DPP6: variants seen among roughly 807,000 people sequenced by gnomAD.
DPP6 encodes the protein A-type potassium channel modulatory protein DPP6.
DPP6 carries 69 observed loss-of-function variants against 122.6 expected under a neutral mutation model. The ratio of observed to expected loss-of-function variants is 0.56; its 90% confidence interval spans 0.46 to 0.69. The LOEUF is 0.69. Among genes scored for constraint, DPP6 ranks in the 30% least tolerant of loss-of-function variants. DPP6 has a pLI of 0.00. For missense variants in DPP6, 928 were observed against 1,116.9 expected, an observed-to-expected ratio of 0.83 and a Z score of 2.41; for synonymous variants, 418 against 433.1, an observed-to-expected ratio of 0.97 and a Z score of 0.43.
At chr7:154,011,495 G>A (rs892050115) in intron 1 of DPP6, among the ~76,000 whole-genome samples, 1 of 152,044 alleles carries the variant, frequency 6.6e-6, no homozygotes, top group Non-Finnish European at 1.5e-5. Context: ...TTTTAAAGTG[G>A]GCTGTCAGAT....
At chr7:154,874,175 C>T (rs1356559867) in intron 19 of DPP6, among the ~76,000 whole-genome samples, 1 of 152,218 alleles carries the variant, frequency 6.6e-6, no homozygotes, top group African/African-American at 2.4e-5. Flanking sequence ...CCTCCTTTCT[C>T]TTACTAAACC....
chr7:154,374,832 G>A (rs906025750), intron 1 of DPP6, among the ~76,000 whole-genome samples: 4 of 152,086 alleles, frequency 2.6e-5, no homozygotes, highest in Non-Finnish European at 2.9e-5. Flanking sequence ...GGCTGGTCTC[G>A]AACTCCTGAA....
rs541583790 is a variant in DPP6, at chr7:154,511,773, T to A, written c.458-28759T>A. Reference sequence around the variant, plus strand: ...ATTTTCCTAACTTATTTCTAGAGAATCAATTATGATCTTACCATAGTGTTA... The same window carrying A: ...ATTTTCCTAACTTATTTCTAGAGAAACAATTATGATCTTACCATAGTGTTA... On this transcript the variant is annotated intron_variant, in intron 3 of 25. Coordinates refer to ENST00000377770, the MANE Select transcript of DPP6 (RefSeq NM_130797.4). Among the ~76,000 whole-genome samples, 4 of 150,764 alleles carry A rather than the reference T, an allele frequency of 2.7e-5. No homozygotes were observed. In the South Asian group the frequency reaches 8.3e-4, roughly 31 times the overall value.
intron 1 of DPP6, among the ~76,000 whole-genome samples, chr7:154,404,058 A>G (rs1815869017): frequency 6.6e-6 from 1 of 152,222 alleles, no homozygotes; most frequent in African/African-American, 2.4e-5. Context: ...AGATTAGCTC[A>G]TTATAGGTTT....
At chr7:153,867,098 T>C in the DPP6 span, among the ~76,000 whole-genome samples, 1 of 152,220 alleles carries the variant, frequency 6.6e-6, no homozygotes. Flanking sequence ...CCTCCAGCTT[T>C]GTTCTTTTGG....
the DPP6 span, among the ~76,000 whole-genome samples, chr7:153,848,655 A>G: frequency 6.6e-6 from 1 of 152,254 alleles, no homozygotes; most frequent in African/African-American, 2.4e-5. Context: ...CCCAGAGATT[A>G]TAAGTTTAGT....
intron 1 of DPP6, among the ~76,000 whole-genome samples, chr7:154,202,195 G>A (rs1799209880): frequency 6.6e-6 from 1 of 152,150 alleles, no homozygotes; most frequent in South Asian, 2.1e-4. Flanking sequence ...CATTCCAGAT[G>A]CCTGGTGTGT....
rs1803621762 is a variant in DPP6 at position 154,863,798 on chromosome 7, G to T, written c.1715-4197G>T. On this transcript the variant is annotated intron_variant, in intron 17 of 25. Coordinates refer to ENST00000377770, the MANE Select transcript of DPP6 (RefSeq NM_130797.4). This position sits in a 1 kb window ranked among gnomAD's most constrained non-coding sequence, Gnocchi z 4.1. Reference sequence around the variant, plus strand: ...CCACTGCACTCCAACCTGGCTGCAAGACCCTGTCTCAAAAAACAAAAATGG... The same window carrying T: ...CCACTGCACTCCAACCTGGCTGCAATACCCTGTCTCAAAAAACAAAAATGG... 6.6e-6 allele frequency among the ~76,000 whole-genome samples: 1 copy of T among 152,056 alleles called. No homozygotes were observed. The highest frequency in any genetic ancestry group is 1.5e-5 in the Non-Finnish European group (1 of 68,010).
intron 5 of DPP6, among the ~76,000 whole-genome samples, chr7:154,595,766 A>G (rs1239978140): frequency 2.6e-5 from 4 of 152,252 alleles, no homozygotes; most frequent in African/African-American, 9.6e-5. Flanking sequence ...ATGAGTTAGA[A>G]TTTGAGTAGC....
At chr7:154,513,081 A>T (rs1826211671) in intron 3 of DPP6, among the ~76,000 whole-genome samples, 1 of 152,154 alleles carries the variant, frequency 6.6e-6, no homozygotes, top group African/African-American at 2.4e-5. Context: ...CAAATACACT[A>T]GTTCTTTCAT....
At chr7:154,550,176 A>G (rs2130365332) in intron 4 of DPP6, among the ~76,000 whole-genome samples, 1 of 152,294 alleles carries the variant, frequency 6.6e-6, no homozygotes, top group South Asian at 2.1e-4. Context: ...GAAAACTGAG[A>G]TATTGGACAA....
At chr7:153,893,081 A>G (rs925398644) in intron 1 of DPP6, among the ~76,000 whole-genome samples, 10 of 152,236 alleles carry the variant, frequency 6.6e-5, no homozygotes, top group Middle Eastern at 3.2e-3. Context: ...AGAAGATCCC[A>G]AAGCCAGAGG....
chr7:154,636,033 C>G (rs1835707907), intron 5 of DPP6, among the ~76,000 whole-genome samples: 1 of 152,200 alleles, frequency 6.6e-6, no homozygotes, highest in Admixed American at 6.5e-5. Flanking sequence ...CTCTCTCCTC[C>G]TCTCCTCTTC....
intron 4 of DPP6, among the ~76,000 whole-genome samples, chr7:154,566,270 C>G (rs754357799): frequency 2.6e-5 from 4 of 151,914 alleles, no homozygotes; most frequent in Non-Finnish European, 4.4e-5. Flanking sequence ...ATTTCTTTTT[C>G]TTTTCTTGCT....
chr7:154,123,951 AG>A (rs1807691051), intron 1 of DPP6, among the ~76,000 whole-genome samples: 1 of 151,996 alleles, frequency 6.6e-6, no homozygotes, highest in Non-Finnish European at 1.5e-5. Flanking sequence ...TACCTGGGAC[AG>A]ACGTGCCACC....
intron 2 of DPP6, among the ~76,000 whole-genome samples, chr7:154,473,672 TTC>T (rs1822482842): frequency 2.0e-5 from 3 of 152,256 alleles, no homozygotes; most frequent in Non-Finnish European, 2.9e-5. Context: ...CAGAATTTCT[TTC>T]TGTTTTTCTA....
intron 1 of DPP6, among the ~76,000 whole-genome samples, chr7:154,388,471 T>C (rs1814317876): frequency 6.6e-6 from 1 of 152,168 alleles, no homozygotes. Flanking sequence ...CCCCCAAAAC[T>C]CTTGGAGTAG....
chr7:154,692,376 G>A (rs1839978466), intron 7 of DPP6, among the ~76,000 whole-genome samples: 1 of 152,192 alleles, frequency 6.6e-6, no homozygotes, highest in South Asian at 2.1e-4. Context: ...ATGTAATTAA[G>A]TCACGTCCTA....
In DPP6 at chr7:154,016,075, C is replaced by T. The variant is rs532988617; in HGVS notation, c.51+128341C>T. 1.8e-3 allele frequency among the ~76,000 whole-genome samples: 275 copies of T among 152,308 alleles called. 2 individuals are homozygous for T. Among genetic ancestry groups the T allele is most frequent in the African/African-American group, 6.3e-3 (262 of 41,568 alleles). ...TCCTTCTGCATCAGTGCCTTTGCTC[C>T]TCTGCCCCGAAGGCTCTCTCATAGA... On this transcript the variant is annotated intron_variant, in intron 1 of 25. Transcript: ENST00000404039.
Sources: gnomAD v4.1 joint callset for allele counts (sites outside exome capture counted in the v4.1 genomes callset) on GRCh38, gnomAD v4.1.1 for gene constraint, Gnocchi (gnomAD v3.1) non-coding constraint, MANE v1.5 for transcripts, NCBI Gene and HGNC (gene_info 2026-07-23, HGNC 2026-07-21) for gene names.